The following KCNQ5 variants were observed in gnomAD, a reference collection of about 807,000 sequenced individuals.
KCNQ5 encodes potassium voltage-gated channel subfamily KQT member 5.
Under a neutral mutation model 98.2 loss-of-function variants are expected in KCNQ5, and 30 were observed. That is an observed-to-expected ratio of 0.31 (90% confidence interval 0.23 to 0.41). The LOEUF is 0.41. KCNQ5 is among the 10% of genes least tolerant of loss of function. The pLI is 1.00. For missense variants in KCNQ5, 835 were observed against 1,182.5 expected (o/e 0.71, Z 4.31); for synonymous variants, 458 against 449.4 (o/e 1.02, Z -0.24).
chr6:73,054,216 C>T (rs1772362872), intron 3 of KCNQ5, among the ~76,000 whole-genome samples: 1 of 151,988 alleles, frequency 6.6e-6, no homozygotes. Context: ...GCCTACCAAC[C>T]AGAAAAAGCC....
intron 1 of KCNQ5, among the ~76,000 whole-genome samples, chr6:72,851,127 A>C (rs1471712310): frequency 6.6e-6 from 1 of 152,180 alleles, no homozygotes; most frequent in Non-Finnish European, 1.5e-5. Flanking sequence ...GTATTATCAG[A>C]TTAAGGATGG....
At chr6:72,801,776 T>G (rs1774673389) in intron 1 of KCNQ5, among the ~76,000 whole-genome samples, 1 of 152,158 alleles carries the variant, frequency 6.6e-6, no homozygotes, top group Non-Finnish European at 1.5e-5. Context: ...GGTTGTTCCT[T>G]TCTATGTTTA....
intron 1 of KCNQ5, among the ~76,000 whole-genome samples, chr6:72,854,986 T>A (rs1020587406): frequency 2.0e-5 from 3 of 152,048 alleles, no homozygotes; most frequent in Admixed American, 2.0e-4. Context: ...TTTCCCTTCA[T>A]TTAGTGGAAC....
chr6:72,684,319 G>A (rs1767847985), intron 1 of KCNQ5, among the ~76,000 whole-genome samples: 1 of 152,150 alleles, frequency 6.6e-6, no homozygotes, highest in Non-Finnish European at 1.5e-5. Flanking sequence ...AAAGATCCTA[G>A]CTGCTTGCCA....
chr6:72,846,517 A>G (rs1234600771), intron 1 of KCNQ5, among the ~76,000 whole-genome samples: 192 of 97,932 alleles, frequency 2.0e-3, no homozygotes, highest in African/African-American at 0.016. Flanking sequence ...CTACAGGGGA[A>G]AAAAAAAAAA....
chr6:72,778,723 C>T (rs1431810142), intron 1 of KCNQ5, among the ~76,000 whole-genome samples: 4 of 151,854 alleles, frequency 2.6e-5, no homozygotes, highest in African/African-American at 7.3e-5. Context: ...TAAATAAATA[C>T]AATTTATATT....
At position 73,166,233 on chromosome 6, in the gene KCNQ5, C is replaced by T. The variant is rs186938368; in HGVS notation, c.1469-3513C>T. Among the ~76,000 whole-genome samples the T allele has an allele frequency of 1.2e-3, 177 of 152,060 alleles. 1 individual carries two copies. The highest frequency in any genetic ancestry group is 1.6e-3 in the Non-Finnish European group (110 of 68,008). ...AGATCACGAGGTCAGGAGATCGAGA[C>T]CATCCTGGCTAACATGGTGAAACCC... On this transcript the variant is annotated intron_variant, in intron 10 of 13. Coordinates refer to ENST00000370398, the MANE Select transcript of KCNQ5 (RefSeq NM_019842.4).
At chr6:72,897,432 C>G (rs933365735) in intron 1 of KCNQ5, among the ~76,000 whole-genome samples, 1 of 152,074 alleles carries the variant, frequency 6.6e-6, no homozygotes, top group African/African-American at 2.4e-5. Context: ...ATCCCAGCTT[C>G]TTGGGAGGCT....
At chr6:72,874,910 T>C (rs761798361) in intron 1 of KCNQ5, among the ~76,000 whole-genome samples, 3 of 152,240 alleles carry the variant, frequency 2.0e-5, no homozygotes, top group Non-Finnish European at 4.4e-5. Flanking sequence ...TTGTAGCCAA[T>C]TATTATTTTC....
At chr6:72,625,456 C>T (rs908581719) in intron 1 of KCNQ5, among the ~76,000 whole-genome samples, 1 of 152,186 alleles carries the variant, frequency 6.6e-6, no homozygotes, top group Admixed American at 6.5e-5. Context: ...TGAGGTGGCT[C>T]ATTTCCCTGA....
chr6:72,833,042 C>T (rs536475161), intron 1 of KCNQ5, among the ~76,000 whole-genome samples: 75 of 152,204 alleles, frequency 4.9e-4, no homozygotes, highest in Admixed American at 1.6e-3. Context: ...TGTTTCTGCA[C>T]GTGGAAATAA....
chr6:73,002,833 T>C (rs1769645706), intron 1 of KCNQ5, among the ~76,000 whole-genome samples: 1 of 152,204 alleles, frequency 6.6e-6, no homozygotes, highest in African/African-American at 2.4e-5. Context: ...CCTGTAGGCA[T>C]AATTAGGCAA....
chr6:72,945,257 C>CT (rs904425020), intron 1 of KCNQ5, among the ~76,000 whole-genome samples: 10 of 151,698 alleles, frequency 6.6e-5, no homozygotes, highest in East Asian at 1.9e-4. Flanking sequence ...TTTTTCTTTT[C>CT]TTTTTTTTAT....
At chr6:73,132,753 C>T (rs1705007229) in intron 9 of KCNQ5, among the ~76,000 whole-genome samples, 2 of 152,214 alleles carry the variant, frequency 1.3e-5, no homozygotes, top group South Asian at 4.1e-4. Flanking sequence ...GTGAACATAA[C>T]ATCTCATTCT....
At chr6:72,844,933 A>T (rs1037451079) in intron 1 of KCNQ5, among the ~76,000 whole-genome samples, 2 of 152,206 alleles carry the variant, frequency 1.3e-5, no homozygotes, top group Non-Finnish European at 2.9e-5. Flanking sequence ...GAAAGTGTAC[A>T]TTAGAAATAT....
intron 1 of KCNQ5, among the ~76,000 whole-genome samples, chr6:72,738,577 G>A (rs75913136): frequency 0.078 from 11,864 of 151,790 alleles, 1,547 homozygotes; most frequent in African/African-American, 0.27. Context: ...GATTTATGAC[G>A]TTATTTTCCA....
intron 1 of KCNQ5, among the ~76,000 whole-genome samples, chr6:72,751,266 C>T (rs1771668709): frequency 6.7e-6 from 1 of 149,024 alleles, no homozygotes. Context: ...CAAGAAAGTA[C>T]AGGATGAATT....
chr6:72,705,170 A>G (rs1027046480), intron 1 of KCNQ5, among the ~76,000 whole-genome samples: 1 of 152,116 alleles, frequency 6.6e-6, no homozygotes, highest in African/African-American at 2.4e-5. Context: ...GACATTCTGG[A>G]TACTTCCACC....
At chr6:73,014,247 T>C (rs371909216) in intron 2 of KCNQ5, among the ~76,000 whole-genome samples, 1 of 152,136 alleles carries the variant, frequency 6.6e-6, no homozygotes, top group East Asian at 1.9e-4. Flanking sequence ...TTTTAAAGTA[T>C]TTATTTTAAG....
Sources: allele counts gnomAD v4.1 joint callset (sites outside exome capture counted in the v4.1 genomes callset), GRCh38; gene constraint gnomAD v4.1.1; transcripts MANE v1.5; gene names NCBI Gene and HGNC (gene_info 2026-07-23, HGNC 2026-07-21).